The following PBX3 variants were observed in gnomAD, a reference collection of about 807,000 sequenced individuals.
PBX3 encodes PBX homeobox 3.
A neutral mutation model predicts 48.5 loss-of-function variants in PBX3; 14 were observed. The ratio of observed to expected loss-of-function variants is 0.29; its 90% CI spans 0.19 to 0.45. The LOEUF (loss-of-function observed/expected upper bound fraction) is 0.45. Ranked by LOEUF, PBX3 falls within the 20% of genes least tolerant of loss-of-function variation. The probability of loss-of-function intolerance (pLI) is 1.00; values close to 1 mark genes in which losing one functional copy is unlikely to be tolerated. For synonymous variants in PBX3, 210 were observed against 200.3 expected (o/e 1.05, Z -0.41); for missense variants, 386 against 546.7 (o/e 0.71, Z 2.93).
intron 2 of PBX3, among the ~76,000 whole-genome samples, chr9:125,876,513 C>G (rs1280580215): frequency 6.6e-6 from 1 of 152,078 alleles, no homozygotes; most frequent in Non-Finnish European, 1.5e-5. Flanking sequence ...TATATTTTCT[C>G]TTCCTTGATA....
chr9:125,779,096 T>C lies in PBX3; in HGVS notation c.274+30473T>C, dbSNP rs1175783683. 2.2e-5 allele frequency among the ~76,000 whole-genome samples: 3 copies of C among 134,074 alleles called. No individual in the cohort carries two copies. In the East Asian group the frequency reaches 6.2e-4, roughly 28 times the overall value. The allele number at this position is 134,074 out of a possible 152,430, so 88.0% of individuals were successfully genotyped here. On this transcript the variant is annotated intron_variant, in intron 2 of 8. Coordinates refer to ENST00000373489, the MANE Select transcript of PBX3 (RefSeq NM_006195.6). Reference sequence around the variant, plus strand: ...CCTCCCATCCCCCACCCCTAGCCCTTGGTAACCTCTAATCTGCTTTGTCTC... The same window carrying C: ...CCTCCCATCCCCCACCCCTAGCCCTCGGTAACCTCTAATCTGCTTTGTCTC...
intron 5 of PBX3, 35 bp downstream of exon 5, chr9:125,935,642 G>A: frequency 1.9e-6 from 3 of 1,577,992 alleles, no homozygotes; most frequent in South Asian, 2.3e-5. Flanking sequence ...CTTGTTCCCT[G>A]TGGAGACAGG....
rs147042624 is a variant in PBX3, at chr9:125,966,867, G to A, written c.*944G>A. ...CTGAACAATACTCACGCTGTAGTTT[G>A]TCTCTTTCTTATCTTTTTGCATCTT... On this transcript the variant is annotated 3_prime_UTR_variant, in exon 9 of 9. Transcript: ENST00000373489. 3 of 152,650 alleles carry A rather than the reference G, an allele frequency of 2.0e-5. No homozygotes were observed. Among genetic ancestry groups the A allele is most frequent in the Non-Finnish European group, 4.4e-5 (3 of 68,024 alleles). The allele number at this position is 152,650 out of a possible 1,614,324, so 9.5% of individuals were successfully genotyped here. A position where few individuals can be genotyped will look rare whatever the true frequency, so the allele number is the denominator to read the frequency against.
chr9:125,869,612 A>T (rs1826494868), intron 2 of PBX3, among the ~76,000 whole-genome samples: 1 of 152,238 alleles, frequency 6.6e-6, no homozygotes, highest in Non-Finnish European at 1.5e-5. Context: ...CAAAGTGCTA[A>T]GAGAAATTAG....
chr9:125,812,332 A>G (rs79927905), intron 2 of PBX3, among the ~76,000 whole-genome samples: 4,952 of 152,286 alleles, frequency 0.033, 284 homozygotes, highest in African/African-American at 0.11. Context: ...ACCAGCAGCC[A>G]TGTACTCATA....
chr9:125,876,802 CTTTTTTT>C (rs59596389), intron 2 of PBX3, among the ~76,000 whole-genome samples: 1 of 128,974 alleles, frequency 7.8e-6, no homozygotes, highest in African/African-American at 2.9e-5. Context: ...TTCTTTCTTT[CTTTTTTT>C]TTTTTTTTTT....
At chr9:125,949,254 G>T in intron 5 of PBX3, 1 of 1,228,584 alleles carries the variant, frequency 8.1e-7, no homozygotes, top group Non-Finnish European at 1.1e-6. Flanking sequence ...AATTTGCTCA[G>T]GGGATTCAGG....
chr9:125,951,769 C>A (rs1240319600), intron 5 of PBX3, among the ~76,000 whole-genome samples: 6 of 152,108 alleles, frequency 3.9e-5, no homozygotes, highest in African/African-American at 1.4e-4. Context: ...AATTGCAGAG[C>A]CAAGATTTAC....
chr9:125,780,699 C>T (rs1328432042), intron 2 of PBX3, among the ~76,000 whole-genome samples: 39 of 117,748 alleles, frequency 3.3e-4, no homozygotes, highest in East Asian at 8.6e-4. Flanking sequence ...GGCTGACCAC[C>T]CCCACCTCCC....
intron 2 of PBX3, among the ~76,000 whole-genome samples, chr9:125,861,776 TAGAG>T (rs1466172493): frequency 6.6e-6 from 1 of 152,114 alleles, no homozygotes; most frequent in Non-Finnish European, 1.5e-5. Flanking sequence ...GCAAATCTAA[TAGAG>T]AAAGAAAGTA....
At chr9:125,823,966 C>T (rs779075542) in intron 2 of PBX3, among the ~76,000 whole-genome samples, 3 of 151,848 alleles carry the variant, frequency 2.0e-5, no homozygotes, top group Non-Finnish European at 2.9e-5. Flanking sequence ...GTCCCAGCCA[C>T]TCAGGAGGCT....
At chr9:125,830,194 T>C (rs1204775425) in intron 2 of PBX3, among the ~76,000 whole-genome samples, 1 of 152,238 alleles carries the variant, frequency 6.6e-6, no homozygotes, top group Non-Finnish European at 1.5e-5. Flanking sequence ...TGATTTTGTT[T>C]AGAAATAAGA....
At chr9:125,939,036 C>T (rs1841901838) in intron 5 of PBX3, among the ~76,000 whole-genome samples, 1 of 151,510 alleles carries the variant, frequency 6.6e-6, no homozygotes. Context: ...GCATGAGTGC[C>T]CACAAAGATA....
At chr9:125,957,654 G>A (rs1396749484) in intron 5 of PBX3, among the ~76,000 whole-genome samples, 3 of 152,174 alleles carry the variant, frequency 2.0e-5, no homozygotes, top group Admixed American at 6.5e-5. Flanking sequence ...ATGTATTATA[G>A]CTTCTCTGAT....
At chr9:125,812,209 A>G (rs535302800) in intron 2 of PBX3, among the ~76,000 whole-genome samples, 6 of 152,296 alleles carry the variant, frequency 3.9e-5, no homozygotes, top group African/African-American at 9.6e-5. Context: ...AAACATACCA[A>G]GACACCTCCC....
chr9:125,917,903 T>A (rs747611944), intron 3 of PBX3, among the ~76,000 whole-genome samples: 2 of 152,116 alleles, frequency 1.3e-5, no homozygotes, highest in African/African-American at 2.4e-5. Flanking sequence ...TTTGGAAAAA[T>A]TATCGTGTGT....
Position 125,747,420 on chromosome 9 carries a change from C to T in PBX3, c.-34C>T. On this transcript the variant is annotated 5_prime_UTR_variant, in exon 1 of 9. Coordinates refer to ENST00000373489, the MANE Select transcript of PBX3 (RefSeq NM_006195.6). Reference sequence around the variant, plus strand: ...GCCGCCGCCGCCTCAGCCTTCGCCTCAGCCGCCGCCCGCTCCCGCCCGCGC... The same window carrying T: ...GCCGCCGCCGCCTCAGCCTTCGCCTTAGCCGCCGCCCGCTCCCGCCCGCGC... 7.1e-7 allele frequency: 1 copy of T among 1,400,118 alleles called. No individual in the cohort carries two copies. The highest frequency in any genetic ancestry group is 9.3e-7 in the Non-Finnish European group (1 of 1,069,956). 86.7% of individuals were successfully genotyped at this position (1,400,118 alleles called of 1,614,324 possible).
At chr9:125,901,621 A>T (rs1840947746) in intron 2 of PBX3, among the ~76,000 whole-genome samples, 1 of 151,714 alleles carries the variant, frequency 6.6e-6, no homozygotes, top group Non-Finnish European at 1.5e-5. Context: ...ATGTAAAGGA[A>T]GATAATTTGG....
chr9:125,868,712 G>A (rs964615034), intron 2 of PBX3, among the ~76,000 whole-genome samples: 1 of 152,314 alleles, frequency 6.6e-6, no homozygotes, highest in South Asian at 2.1e-4. Context: ...ATGGCCCCAG[G>A]TGAGACAGAC....
Sources: allele counts gnomAD v4.1 joint callset (sites outside exome capture counted in the v4.1 genomes callset), GRCh38; gene constraint gnomAD v4.1.1; transcripts MANE v1.5; gene names NCBI Gene and HGNC (gene_info 2026-07-23, HGNC 2026-07-21).